Variants in SSX2IP observed in about 807,000 individuals in gnomAD.
The protein encoded by SSX2IP is afadin- and alpha-actinin-binding protein.
In SSX2IP, 55 loss-of-function variants were observed where a neutral mutation model predicts 84.9. The observed-to-expected ratio is 0.65, with a 90% CI of 0.52 to 0.81. The LOEUF (loss-of-function observed/expected upper bound fraction) is 0.81, where lower values mean the gene tolerates loss of function less well. Ranked by LOEUF, SSX2IP falls within the 30% of genes least tolerant of loss-of-function variation. SSX2IP has a pLI of 0.00. For synonymous variants in SSX2IP, 239 were observed against 234.7 expected (o/e 1.02, Z -0.17); for missense variants, 664 against 705.2 (o/e 0.94, Z 0.66).
chr1:84,671,091 C>T, intron 2 of SSX2IP, 86 bp downstream of exon 2: 1 of 1,468,832 alleles, frequency 6.8e-7, no homozygotes. Flanking sequence ...ACATCTTCAA[C>T]ATCTGCAGTA....
At chr1:84,663,325 A>G (rs1652302367) in intron 6 of SSX2IP, among the ~76,000 whole-genome samples, 1 of 152,184 alleles carries the variant, frequency 6.6e-6, no homozygotes. Flanking sequence ...TTCCAGAACT[A>G]AATCCTTAAT....
chr1:84,666,488 T>A (rs996497682), intron 4 of SSX2IP, among the ~76,000 whole-genome samples: 2 of 152,172 alleles, frequency 1.3e-5, no homozygotes, highest in African/African-American at 4.8e-5. Context: ...AATGGATCCC[T>A]GGAAAGAGCA....
intron 13 of SSX2IP, 121 bp from the exon 14 acceptor site, chr1:84,647,728 A>C: frequency 1.4e-6 from 1 of 730,272 alleles, no homozygotes; most frequent in Non-Finnish European, 1.9e-6. Flanking sequence ...TCTAGGCCAA[A>C]AATATAATTT....
chr1:84,648,664 T>A (rs1479128392), intron 13 of SSX2IP, among the ~76,000 whole-genome samples: 1 of 152,224 alleles, frequency 6.6e-6, no homozygotes, highest in Non-Finnish European at 1.5e-5. Context: ...AGATATAAAA[T>A]GCATTATTTG....
chr1:84,666,089 C>G (rs377037266), intron 5 of SSX2IP, 33 bp downstream of exon 5: 30 of 1,541,598 alleles, frequency 1.9e-5, no homozygotes, highest in Admixed American at 1.8e-5. Flanking sequence ...CAAAAATTCA[C>G]TTAAACTTCA....
At chr1:84,664,655 T>C (rs1652510042) in intron 5 of SSX2IP, 103 bp from the exon 6 acceptor site, 3 of 999,254 alleles carry the variant, frequency 3.0e-6, no homozygotes, top group African/African-American at 1.7e-5. Flanking sequence ...AATCCTAGGA[T>C]GATTCTTCCT....
chr1:84,656,085 C>T (rs1009044224), intron 10 of SSX2IP, 80 bp from the exon 11 acceptor site: 1 of 1,281,984 alleles, frequency 7.8e-7, no homozygotes. Context: ...AAGGGAAGGC[C>T]AGTCAAACTT....
intron 8 of SSX2IP, among the ~76,000 whole-genome samples, chr1:84,660,954 C>T (rs1324986029): frequency 6.8e-6 from 1 of 148,058 alleles, no homozygotes; most frequent in Non-Finnish European, 1.5e-5. Flanking sequence ...ATAGTCCCAG[C>T]TACTCAGGAG....
Position 84,650,459 on chromosome 1 carries a change from C to G in SSX2IP, c.1573G>C (p.Gly525Arg), listed in dbSNP as rs191448293. Residue 525 changes from glycine to arginine, a missense_variant, in exon 13 of 14, where the codon GGG becomes CGG. By Grantham distance (125) the Gly-to-Arg change is moderately radical (BLOSUM62 -2). Coordinates refer to ENST00000342203, the MANE Select transcript of SSX2IP (RefSeq NM_001166293.2). ...PQKKPHSVSN[G>R]SPVCMSKLTK... ...AGTTTAGACATGCAAACTGGAGACC[C>G]ATTAGACACACTGTGAGGCTTCTTT... 413 of 1,614,164 alleles carry G rather than the reference C, an allele frequency of 2.6e-4. 2 individuals carry two copies. The East Asian group carries it at 8.5e-3, about 33-fold the overall frequency.
chr1:84,660,458 T>C (rs566394728), intron 8 of SSX2IP, among the ~76,000 whole-genome samples: 2 of 152,294 alleles, frequency 1.3e-5, no homozygotes, highest in African/African-American at 2.4e-5. Flanking sequence ...TATTAGTGAA[T>C]GCTAAGAACT....
chr1:84,686,154 C>T (rs1655752987), intron 1 of SSX2IP, among the ~76,000 whole-genome samples: 1 of 151,608 alleles, frequency 6.6e-6, no homozygotes, highest in South Asian at 2.1e-4. Flanking sequence ...CATGAAGTAA[C>T]TTAAATACTT....
In SSX2IP at chr1:84,652,372, G is replaced by A. The variant is rs6693610; in HGVS notation, c.1390-375C>T. The stretch of plus-strand genomic sequence containing the variant: ...TGGGAAGTTGACGCTGAAGTGAGCC[G>A]AGATAGCACCACTGCACTCTAGCCT... On this transcript the variant is annotated intron_variant, in intron 11 of 13. Transcript: ENST00000342203. 3.2e-3 allele frequency: 483 copies of A among 152,814 alleles called. 2 individuals are homozygous for A. Among genetic ancestry groups the A allele is most frequent in the African/African-American group, 0.013 (463 of 36,720 alleles). The allele number at this position is 152,814 out of a possible 1,614,324, so 9.5% of individuals were successfully genotyped here.
intron 2 of SSX2IP, 149 bp downstream of exon 2, chr1:84,671,028 T>A: frequency 9.7e-7 from 1 of 1,027,790 alleles, no homozygotes; most frequent in East Asian, 2.7e-5. Flanking sequence ...TACAGTGGTG[T>A]TCTCAGTAGA....
chr1:84,668,233 A>G lies in SSX2IP; in HGVS notation c.426+1448T>C, dbSNP rs553876755. On this transcript the variant is annotated intron_variant, in intron 4 of 13. Coordinates refer to ENST00000342203, the MANE Select transcript of SSX2IP (RefSeq NM_001166293.2). ...AATAGCCTCAGATCACCAACATATC[A>G]TAATGATTTACTAGCTACTTATAAG... Among the ~76,000 whole-genome samples, 4 of 152,314 alleles carry G rather than the reference A, an allele frequency of 2.6e-5. No homozygotes were observed. In the South Asian group the frequency reaches 8.3e-4, roughly 32 times the overall value.
intron 1 of SSX2IP, among the ~76,000 whole-genome samples, chr1:84,686,679 C>T (rs1655839045): frequency 6.6e-6 from 1 of 152,062 alleles, no homozygotes; most frequent in Admixed American, 6.5e-5. Context: ...GACCCAGACA[C>T]AAGAGATACA....
chr1:84,667,737 G>A (rs140513091), intron 4 of SSX2IP, among the ~76,000 whole-genome samples: 4 of 152,114 alleles, frequency 2.6e-5, no homozygotes, highest in East Asian at 1.9e-4. Context: ...ATGCTGCTAC[G>A]CATTTACACA....
chr1:84,660,722 G>T (rs780775488), intron 8 of SSX2IP, among the ~76,000 whole-genome samples: 10 of 151,774 alleles, frequency 6.6e-5, no homozygotes, highest in Non-Finnish European at 1.5e-4. Context: ...GTGAGATGGT[G>T]CCACTGGACT....
intron 1 of SSX2IP, among the ~76,000 whole-genome samples, chr1:84,681,859 C>T (rs369246534): frequency 6.6e-6 from 1 of 152,110 alleles, no homozygotes; most frequent in Admixed American, 6.6e-5. Context: ...TCTGGCCCAT[C>T]AGGAAGACAG....
chr1:84,677,057 C>T (rs1654449123), intron 1 of SSX2IP, among the ~76,000 whole-genome samples: 1 of 152,102 alleles, frequency 6.6e-6, no homozygotes, highest in African/African-American at 2.4e-5. Flanking sequence ...AACCTTTCAA[C>T]TTTGTACACA....
Sources: allele counts gnomAD v4.1 joint callset (sites outside exome capture counted in the v4.1 genomes callset), GRCh38; gene constraint gnomAD v4.1.1; transcripts MANE v1.5; gene names NCBI Gene and HGNC (gene_info 2026-07-23, HGNC 2026-07-21).